The following CNTN6 variants were observed in gnomAD, a reference collection of about 807,000 sequenced individuals.
CNTN6 encodes contactin-6.
Under a neutral mutation model 122.8 loss-of-function variants are expected in CNTN6, and 137 were observed. The ratio of observed to expected loss-of-function variants is 1.12; its 90% CI spans 0.97 to 1.29. The LOEUF is 1.29. Among genes scored for constraint, CNTN6 ranks in the 50% most tolerant of loss-of-function variants. CNTN6 has a pLI of 0.00. For synonymous variants in CNTN6, 570 were observed against 426.0 expected (o/e 1.34, Z -4.16); for missense variants, 1,634 against 1,223.4 (o/e 1.34, Z -5.01).
intron 8 of CNTN6, 89 bp from the exon 9 acceptor site, chr3:1,325,726 C>G: frequency 7.2e-7 from 1 of 1,387,336 alleles, no homozygotes; most frequent in African/African-American, 1.4e-5. Flanking sequence ...TTAGCCTTGT[C>G]CTTCTGATCT....
At chr3:1,261,178 T>C (rs2094840359) in intron 4 of CNTN6, among the ~76,000 whole-genome samples, 1 of 152,156 alleles carries the variant, frequency 6.6e-6, no homozygotes, top group African/African-American at 2.4e-5. Context: ...ATTTGGCAGA[T>C]GAGACTTCCT....
chr3:1,245,229 T>TAAC (rs1353980370), intron 4 of CNTN6, among the ~76,000 whole-genome samples: 9 of 12,170 alleles, frequency 7.4e-4, no homozygotes, highest in African/African-American at 1.3e-3. Context: ...TATATATATA[T>TAAC]ATATATACAC....
At chr3:1,123,980 G>C (rs1437334811) in intron 1 of CNTN6, among the ~76,000 whole-genome samples, 1 of 151,832 alleles carries the variant, frequency 6.6e-6, no homozygotes, top group Non-Finnish European at 1.5e-5. Flanking sequence ...ATTAAGATGG[G>C]GTATTCCTCT....
chr3:1,310,920 G>T (rs1236583167), intron 7 of CNTN6, among the ~76,000 whole-genome samples: 1 of 152,034 alleles, frequency 6.6e-6, no homozygotes, highest in African/African-American at 2.4e-5. Flanking sequence ...AGAATCGCTT[G>T]AACCCGGGAG....
chr3:1,382,525 AAAAACTTGTTTAAAATGTTGTGAAAGG>A (rs1692057528), intron 17 of CNTN6, among the ~76,000 whole-genome samples: 1 of 152,240 alleles, frequency 6.6e-6, no homozygotes, highest in Non-Finnish European at 1.5e-5. Context: ...CATGTCTTAC[AAAAACTTGTTTAAAATGTTGTGAAAGG>A]AAAACATATC....
intron 4 of CNTN6, among the ~76,000 whole-genome samples, chr3:1,230,808 G>A (rs2094343677): frequency 6.6e-6 from 1 of 152,170 alleles, no homozygotes; most frequent in Non-Finnish European, 1.5e-5. Flanking sequence ...CTCAAACACT[G>A]ACCACACAGT....
intron 1 of CNTN6, among the ~76,000 whole-genome samples, chr3:1,104,092 G>A (rs897812435): frequency 3.3e-5 from 5 of 152,080 alleles, no homozygotes; most frequent in African/African-American, 7.2e-5. Flanking sequence ...GAACAAGACA[G>A]AGAAGAGTTC....
At chr3:1,388,580 T>G (rs1693564864) in intron 20 of CNTN6, among the ~76,000 whole-genome samples, 1 of 150,282 alleles carries the variant, frequency 6.7e-6, no homozygotes, top group East Asian at 2.0e-4. Context: ...TTTGACGAGC[T>G]GAGAGAAGAA....
In CNTN6 at chr3:1,311,299, G is replaced by A. The variant is rs265814; in HGVS notation, c.762-10351G>A. Reference sequence around the variant, plus strand: ...CATACATATTTATATATACATATACGTATATGTACATATAAAATGTATATA... The same window carrying A: ...CATACATATTTATATATACATATACATATATGTACATATAAAATGTATATA... On this transcript the variant is annotated intron_variant, in intron 7 of 22. Transcript: ENST00000446702. Among the ~76,000 whole-genome samples the A allele has an allele frequency of 9.4e-5, 13 of 138,778 alleles. 1 individual carries two copies. The highest frequency in any genetic ancestry group is 2.3e-4 in the South Asian group (1 of 4,426). The allele number at this position is 138,778 out of a possible 152,430, so 91.0% of individuals were successfully genotyped here.
intron 1 of CNTN6, among the ~76,000 whole-genome samples, chr3:1,101,930 A>T (rs2090918922): frequency 6.6e-6 from 1 of 152,228 alleles, no homozygotes; most frequent in South Asian, 2.1e-4. Flanking sequence ...ATTCCTAGTG[A>T]CACAGTACAA....
intron 1 of CNTN6, among the ~76,000 whole-genome samples, chr3:1,100,640 TTCTG>T (rs1329806956): frequency 6.6e-6 from 1 of 152,176 alleles, no homozygotes; most frequent in Non-Finnish European, 1.5e-5. Flanking sequence ...ATTTCTAGGC[TTCTG>T]TCTTTGATTT....
intron 12 of CNTN6, among the ~76,000 whole-genome samples, chr3:1,370,693 C>G (rs559093600): frequency 6.6e-6 from 1 of 152,042 alleles, no homozygotes; most frequent in South Asian, 2.1e-4. Flanking sequence ...TGCAAAAATA[C>G]AAAAATTTAC....
rs560504699 is a variant in CNTN6 at position 1,316,771 on chromosome 3, C to T, written c.762-4879C>T. On this transcript the variant is annotated intron_variant, in intron 7 of 22. Transcript: ENST00000446702. The stretch of plus-strand genomic sequence containing the variant: ...CAGAATGGTATCTCTTGGAAAAATA[C>T]GCTTACATTAAAACATTAAAGCTCG... 4.6e-5 allele frequency among the ~76,000 whole-genome samples: 7 copies of T among 151,870 alleles called. No homozygotes were observed. In the East Asian group the frequency reaches 7.8e-4, roughly 17 times the overall value.
rs1456298927 is a variant in CNTN6 at position 1,099,337 on chromosome 3, G to A, written c.-83+6217G>A. Among the ~76,000 whole-genome samples, 7 of 152,008 alleles carry A rather than the reference G, an allele frequency of 4.6e-5. 1 individual carries two copies. Among genetic ancestry groups the A allele is most frequent in the African/African-American group, 1.4e-4 (6 of 41,526 alleles). ...GTGGTGGCGGGCGCCTGTAGTCCCAGCTACTGGGGAGGCTGAGGCGGGAGA... is the reference window on the plus strand; with the variant it reads ...GTGGTGGCGGGCGCCTGTAGTCCCAACTACTGGGGAGGCTGAGGCGGGAGA... On this transcript the variant is annotated intron_variant, in intron 1 of 22. Coordinates refer to ENST00000446702, the MANE Select transcript of CNTN6 (RefSeq NM_001289080.2).
Position 1,262,498 on chromosome 3 carries a change from C to T in CNTN6, c.359-15915C>T, listed in dbSNP as rs541336777. 1.8e-4 allele frequency among the ~76,000 whole-genome samples: 27 copies of T among 152,264 alleles called. No individual in the cohort carries two copies. The South Asian group carries it at 5.6e-3, about 32-fold the overall frequency. On this transcript the variant is annotated intron_variant, in intron 4 of 22. Transcript: ENST00000446702. ...TGCACTTTGTTGGTCTAAGATTTCT[C>T]TTGATCCTTTTTAACTCCACCCCCG...
intron 17 of CNTN6, among the ~76,000 whole-genome samples, chr3:1,377,805 G>A (rs913794537): frequency 6.6e-6 from 1 of 152,298 alleles, no homozygotes; most frequent in South Asian, 2.1e-4. Context: ...TAGAAGGTTG[G>A]TGTTGGTAGG....
intron 6 of CNTN6, among the ~76,000 whole-genome samples, chr3:1,297,644 T>C (rs1244143976): frequency 6.9e-6 from 1 of 144,924 alleles, no homozygotes; most frequent in East Asian, 1.9e-4. Context: ...TTTTCTTTTT[T>C]TTTTTTTTTA....
intron 2 of CNTN6, among the ~76,000 whole-genome samples, chr3:1,190,057 C>T (rs2093679604): frequency 6.6e-6 from 1 of 152,142 alleles, no homozygotes; most frequent in Non-Finnish European, 1.5e-5. Context: ...AAGTTTGAGA[C>T]CAGGGTGCCA....
chr3:1,308,886 G>A (rs7615385), intron 7 of CNTN6, among the ~76,000 whole-genome samples: 33,935 of 152,012 alleles, frequency 0.22, 6,283 homozygotes, highest in African/African-American at 0.52. Flanking sequence ...TAACGGCAAA[G>A]GATGTGAACA....
Sources: gnomAD v4.1 joint callset for allele counts (sites outside exome capture counted in the v4.1 genomes callset) on GRCh38, gnomAD v4.1.1 for gene constraint, MANE v1.5 for transcripts, NCBI Gene and HGNC (gene_info 2026-07-23, HGNC 2026-07-21) for gene names.